Variants in ZBTB7C observed in about 807,000 individuals in gnomAD.
ZBTB7C encodes zinc finger and BTB domain-containing protein 7C.
ZBTB7C carries 8 observed loss-of-function variants against 25.7 expected under a neutral mutation model. That is an observed-to-expected ratio of 0.31 (90% CI 0.18 to 0.56). The LOEUF is 0.56. Among genes scored for constraint, ZBTB7C ranks in the 20% least tolerant of loss-of-function variants. The pLI is 0.91. For missense variants in ZBTB7C, 824 were observed against 855.2 expected, an observed-to-expected ratio of 0.96 and a Z score of 0.46; for synonymous variants, 394 against 369.0, an observed-to-expected ratio of 1.07 and a Z score of -0.78.
At chr18:48,234,513 CGT>C (rs146190244) in intron 2 of ZBTB7C, among the ~76,000 whole-genome samples, 7 of 151,024 alleles carry the variant, frequency 4.6e-5, no homozygotes, top group Admixed American at 1.3e-4. Flanking sequence ...TGTGTACATG[CGT>C]GTGTGTGTGT....
At chr18:48,195,235 C>T (rs1013696584) in intron 2 of ZBTB7C, among the ~76,000 whole-genome samples, 3 of 152,220 alleles carry the variant, frequency 2.0e-5, no homozygotes, top group African/African-American at 7.2e-5. Context: ...TTATTTCTTA[C>T]ATAAACCATA....
chr18:48,313,861 G>T (rs1441876938), intron 2 of ZBTB7C, among the ~76,000 whole-genome samples: 2 of 152,154 alleles, frequency 1.3e-5, no homozygotes, highest in Non-Finnish European at 2.9e-5. Context: ...GGAGGTACTG[G>T]ATCATAGGCA....
Position 48,097,382 on chromosome 18 carries a change from G to GTTGTTGTTA in ZBTB7C, c.-16-56260_-16-56259insTAACAACAA, listed in dbSNP as rs10651143. The stretch of plus-strand genomic sequence containing the variant: ...AAAGACAACTTTTATTATTGTTGTT[G>GTTGTTGTTA]TTATTATTATTATTATTATTATTAT... On this transcript the variant is annotated intron_variant, in intron 3 of 4. Coordinates refer to ENST00000590800, the MANE Select transcript of ZBTB7C (RefSeq NM_001318841.2). Among the ~76,000 whole-genome samples, 172 of 144,970 alleles carry GTTGTTGTTA rather than the reference G, an allele frequency of 1.2e-3. 3 individuals carry two copies. The South Asian group carries it at 0.025, about 21-fold the overall frequency.
At chr18:48,374,108 C>T (rs1228741732) in intron 1 of ZBTB7C, 3 of 152,510 alleles carry the variant, frequency 2.0e-5, no homozygotes, top group Non-Finnish European at 4.4e-5. Context: ...ATGCTGGTGC[C>T]ATGCTTCCTG....
intron 2 of ZBTB7C, among the ~76,000 whole-genome samples, chr18:48,274,826 G>A (rs1352176693): frequency 6.6e-6 from 1 of 152,180 alleles, no homozygotes; most frequent in Non-Finnish European, 1.5e-5. Context: ...TGCAGGCCAG[G>A]GCCCTGGCTC....
chr18:48,106,106 G>A (rs2039017124), intron 3 of ZBTB7C, among the ~76,000 whole-genome samples: 2 of 152,208 alleles, frequency 1.3e-5, no homozygotes, highest in South Asian at 4.1e-4. Context: ...ACTGCAGGAA[G>A]CTGCCTGCTC....
intron 3 of ZBTB7C, among the ~76,000 whole-genome samples, chr18:48,167,570 G>GTGTGTGTGTT (rs778020707): frequency 8.3e-4 from 125 of 150,490 alleles, no homozygotes; most frequent in Admixed American, 1.4e-3. Flanking sequence ...TAGGGTGTGT[G>GTGTGTGTGTT]TGTGTGTGTG....
intron 2 of ZBTB7C, among the ~76,000 whole-genome samples, chr18:48,215,810 A>G (rs2042810129): frequency 6.6e-6 from 1 of 152,246 alleles, no homozygotes; most frequent in Non-Finnish European, 1.5e-5. Flanking sequence ...CACAGTAGAC[A>G]GATTTTCAGG....
intron 2 of ZBTB7C, among the ~76,000 whole-genome samples, chr18:48,264,670 C>T (rs2044261052): frequency 1.3e-5 from 2 of 152,142 alleles, no homozygotes; most frequent in South Asian, 2.1e-4. Context: ...TCCTTGACAT[C>T]ACCCTCCCCC....
At chr18:48,283,287 A>G (rs1287955325) in intron 2 of ZBTB7C, among the ~76,000 whole-genome samples, 1 of 152,224 alleles carries the variant, frequency 6.6e-6, no homozygotes, top group Non-Finnish European at 1.5e-5. Flanking sequence ...ATGTACTCCT[A>G]TTGTGCAGCC....
At chr18:48,073,511 G>T (rs2037634654) in intron 3 of ZBTB7C, among the ~76,000 whole-genome samples, 1 of 152,136 alleles carries the variant, frequency 6.6e-6, no homozygotes, top group African/African-American at 2.4e-5. Context: ...CCCCGGGGCT[G>T]GGACAGGCGC....
At chr18:48,140,107 G>A (rs1342468454) in intron 3 of ZBTB7C, among the ~76,000 whole-genome samples, 2 of 152,204 alleles carry the variant, frequency 1.3e-5, no homozygotes, top group East Asian at 1.9e-4. Flanking sequence ...TTCAACCACC[G>A]AGCATGGCTC....
chr18:48,122,278 C>T (rs969499884), intron 3 of ZBTB7C, among the ~76,000 whole-genome samples: 13 of 152,176 alleles, frequency 8.5e-5, no homozygotes, highest in African/African-American at 2.9e-4. Flanking sequence ...ATTTTAATGG[C>T]GTATAATATT....
intron 2 of ZBTB7C, among the ~76,000 whole-genome samples, chr18:48,189,882 G>A (rs1304135596): frequency 7.9e-5 from 12 of 152,202 alleles, no homozygotes; most frequent in African/African-American, 2.4e-4. Flanking sequence ...TCCTTGGCTC[G>A]GTGACCAGCC....
chr18:48,088,003 A>C (rs2038260745), intron 3 of ZBTB7C, among the ~76,000 whole-genome samples: 1 of 152,192 alleles, frequency 6.6e-6, no homozygotes, highest in Non-Finnish European at 1.5e-5. Context: ...ACATAAGTAC[A>C]CAAGTGTATG....
intron 3 of ZBTB7C, among the ~76,000 whole-genome samples, chr18:48,103,029 A>G (rs1469129348): frequency 6.8e-6 from 1 of 147,416 alleles, no homozygotes; most frequent in Non-Finnish European, 1.5e-5. Context: ...GATATATTAT[A>G]TATATATATT....
intron 3 of ZBTB7C, among the ~76,000 whole-genome samples, chr18:48,085,295 C>T (rs2038153008): frequency 6.6e-6 from 1 of 152,138 alleles, no homozygotes; most frequent in Non-Finnish European, 1.5e-5. Context: ...GGGAAAGGCC[C>T]CATTTCGTCA....
intron 3 of ZBTB7C, among the ~76,000 whole-genome samples, chr18:48,085,108 A>C (rs780717084): frequency 4.6e-5 from 7 of 152,162 alleles, no homozygotes; most frequent in Non-Finnish European, 4.4e-5. Context: ...AGCTGAACTC[A>C]AGGGCCTACC....
rs1009882729 is a variant in ZBTB7C, at chr18:48,158,139, T to C, written c.-17+27795A>G. 3.9e-5 allele frequency among the ~76,000 whole-genome samples: 6 copies of C among 152,344 alleles called. No homozygotes were observed. In the East Asian group the frequency reaches 5.8e-4, roughly 15 times the overall value. ...TCTGGACAAGCTGAGAAGTTAAATA[T>C]GCCCAGGTTACCACCAGGGGCAAAC... On this transcript the variant is annotated intron_variant, in intron 3 of 4. Coordinates refer to ENST00000590800, the MANE Select transcript of ZBTB7C (RefSeq NM_001318841.2).
Sources: gnomAD v4.1 joint callset for allele counts (sites outside exome capture counted in the v4.1 genomes callset) on GRCh38, gnomAD v4.1.1 for gene constraint, MANE v1.5 for transcripts, NCBI Gene and HGNC (gene_info 2026-07-23, HGNC 2026-07-21) for gene names.